The following PPM1H variants were observed in gnomAD, a reference collection of about 807,000 sequenced individuals.
PPM1H encodes the protein protein phosphatase, Mg2+/Mn2+ dependent 1H.
A neutral mutation model predicts 54.9 loss-of-function variants in PPM1H; 27 were observed. That is an observed-to-expected ratio of 0.49 (90% confidence interval 0.36 to 0.68). The LOEUF (loss-of-function observed/expected upper bound fraction) is 0.68, where lower values mean the gene tolerates loss of function less well. Ranked by LOEUF, PPM1H falls within the 30% of genes least tolerant of loss-of-function variation. PPM1H has a pLI of 0.00. For synonymous variants in PPM1H, 305 were observed against 270.8 expected (o/e 1.13, Z -1.24); for missense variants, 596 against 667.8 (o/e 0.89, Z 1.19).
Position 62,646,934 on chromosome 12 carries a change from T to C in PPM1H, c.*1555A>G, listed in dbSNP as rs569742971. ...AATATGAGAACTGGAATTAGCTCTCTAGCATGCTGGGGGGGTCACGTCAGT... is the reference window on the plus strand; with the variant it reads ...AATATGAGAACTGGAATTAGCTCTCCAGCATGCTGGGGGGGTCACGTCAGT... On this transcript the variant is annotated 3_prime_UTR_variant, in exon 10 of 10. Transcript: ENST00000228705. 3 of 152,344 alleles carry C rather than the reference T, an allele frequency of 2.0e-5. No individual in the cohort carries two copies. Among genetic ancestry groups the C allele is most frequent in the South Asian group, 4.1e-4 (2 of 4,826 alleles). The allele number at this position is 152,344 out of a possible 1,614,324, so 9.4% of individuals were successfully genotyped here.
intron 1 of PPM1H, among the ~76,000 whole-genome samples, chr12:62,878,626 TA>T (rs34587900): frequency 0.33 from 26,445 of 80,652 alleles, 5,221 homozygotes; most frequent in East Asian, 0.57. Context: ...TGATTACGCT[TA>T]AAAAAAAAAA....
chr12:62,876,171 G>A (rs139331868), intron 1 of PPM1H, among the ~76,000 whole-genome samples: 1 of 152,146 alleles, frequency 6.6e-6, no homozygotes, highest in Non-Finnish European at 1.5e-5. Flanking sequence ...TTAAAATAAG[G>A]ATCAATAAAA....
intron 6 of PPM1H, among the ~76,000 whole-genome samples, chr12:62,713,741 G>T (rs182303859): frequency 1.3e-5 from 2 of 152,284 alleles, no homozygotes; most frequent in East Asian, 3.9e-4. Context: ...GGCTGAGGCA[G>T]GAGGACTGCT....
intron 3 of PPM1H, among the ~76,000 whole-genome samples, chr12:62,798,021 C>T (rs1272155450): frequency 3.3e-5 from 5 of 152,178 alleles, no homozygotes; most frequent in Admixed American, 6.5e-5. Flanking sequence ...GAGCTTCTCA[C>T]TTAATAAGGC....
At chr12:62,820,343 G>C (rs1321536419) in intron 2 of PPM1H, among the ~76,000 whole-genome samples, 1 of 152,230 alleles carries the variant, frequency 6.6e-6, no homozygotes, top group Non-Finnish European at 1.5e-5. Context: ...TGAACAAAAG[G>C]CAGCAGAAAC....
chr12:62,702,639 G>C (rs991037363), intron 6 of PPM1H, among the ~76,000 whole-genome samples: 1 of 151,848 alleles, frequency 6.6e-6, no homozygotes, highest in African/African-American at 2.4e-5. Context: ...AGTCATTTAA[G>C]AGGAACGAGA....
intron 5 of PPM1H, among the ~76,000 whole-genome samples, chr12:62,732,573 C>T (rs557997487): frequency 4.7e-4 from 69 of 147,630 alleles, no homozygotes; most frequent in Non-Finnish European, 7.0e-4. Context: ...TTTTTGTTTT[C>T]GGTTTTTTTT....
chr12:62,736,966 G>T (rs2076352918), intron 5 of PPM1H, among the ~76,000 whole-genome samples: 1 of 152,112 alleles, frequency 6.6e-6, no homozygotes, highest in South Asian at 2.1e-4. Flanking sequence ...AATCTACATA[G>T]AGAACTTATT....
intron 5 of PPM1H, among the ~76,000 whole-genome samples, chr12:62,725,398 C>A (rs567535402): frequency 6.6e-6 from 1 of 152,122 alleles, no homozygotes; most frequent in African/African-American, 2.4e-5. Flanking sequence ...CAGAGGTGCC[C>A]GCCCCATATC....
At chr12:62,655,212 T>C (rs1592526036) in intron 9 of PPM1H, among the ~76,000 whole-genome samples, 1 of 152,134 alleles carries the variant, frequency 6.6e-6, no homozygotes, top group Admixed American at 6.5e-5. Context: ...ACTCAGCTCT[T>C]GGGAGAAGGC....
At chr12:62,836,226 G>C (rs891734376) in intron 1 of PPM1H, among the ~76,000 whole-genome samples, 2 of 152,212 alleles carry the variant, frequency 1.3e-5, no homozygotes, top group African/African-American at 2.4e-5. Context: ...TACAAAGAGG[G>C]AAAGTATTTT....
intron 6 of PPM1H, among the ~76,000 whole-genome samples, chr12:62,718,904 A>G (rs1332378635): frequency 6.6e-6 from 1 of 152,196 alleles, no homozygotes; most frequent in African/African-American, 2.4e-5. Flanking sequence ...AGCAGGGGTA[A>G]ATTCTTAGGC....
rs1268416138 is a variant in PPM1H, at chr12:62,912,734, T to C, written c.245+21758A>G. On this transcript the variant is annotated intron_variant, in intron 1 of 9. Transcript: ENST00000228705. ...AAAAAAGAATCCACCACAATGTAATTGGACAAGGGAACATATCCATACTCC... is the reference window on the plus strand; with the variant it reads ...AAAAAAGAATCCACCACAATGTAATCGGACAAGGGAACATATCCATACTCC... 3.9e-5 allele frequency among the ~76,000 whole-genome samples: 6 copies of C among 152,186 alleles called. No homozygotes were observed. The South Asian group carries it at 6.2e-4, about 16-fold the overall frequency.
At position 62,724,124 on chromosome 12, in the gene PPM1H, C is replaced by T. The variant is rs2076277328; in HGVS notation, c.955-3835G>A. The stretch of plus-strand genomic sequence containing the variant: ...AGTACCCCTACCCCTGAGTTTATTA[C>T]CATTAGATCTTTTGTCCTTTGATCA... On this transcript the variant is annotated intron_variant, in intron 5 of 9. Transcript: ENST00000228705. Among the ~76,000 whole-genome samples, 3 of 152,180 alleles carry T rather than the reference C, an allele frequency of 2.0e-5. 1 individual carries two copies. Among genetic ancestry groups the T allele is most frequent in the Admixed American group, 2.0e-4 (3 of 15,276 alleles).
At chr12:62,814,646 C>A (rs138532774) in intron 2 of PPM1H, among the ~76,000 whole-genome samples, 1 of 152,332 alleles carries the variant, frequency 6.6e-6, no homozygotes, top group East Asian at 1.9e-4. Flanking sequence ...CTTCCCTTTG[C>A]CACCCTAACT....
chr12:62,800,955 C>G (rs1027090596), intron 3 of PPM1H, among the ~76,000 whole-genome samples: 1 of 152,156 alleles, frequency 6.6e-6, no homozygotes, highest in African/African-American at 2.4e-5. Flanking sequence ...CCGATCAGAC[C>G]CATTCAGATG....
At chr12:62,793,508 T>A (rs1283273275) in intron 3 of PPM1H, among the ~76,000 whole-genome samples, 1 of 151,868 alleles carries the variant, frequency 6.6e-6, no homozygotes, top group African/African-American at 2.4e-5. Context: ...GCAGATCACC[T>A]GAGGTCGGGC....
At chr12:62,765,924 G>A (rs746144604) in intron 4 of PPM1H, among the ~76,000 whole-genome samples, 1 of 152,226 alleles carries the variant, frequency 6.6e-6, no homozygotes, top group African/African-American at 2.4e-5. Context: ...AGTGACAGGT[G>A]AAGGTAGAAA....
chr12:62,702,286 G>A (rs550081893), intron 6 of PPM1H, among the ~76,000 whole-genome samples: 12 of 152,108 alleles, frequency 7.9e-5, no homozygotes, highest in Non-Finnish European at 1.3e-4. Flanking sequence ...TTAGTACCAC[G>A]TCAGAATGGC....
Sources: allele counts gnomAD v4.1 joint callset (sites outside exome capture counted in the v4.1 genomes callset), GRCh38; gene constraint gnomAD v4.1.1; transcripts MANE v1.5; gene names NCBI Gene and HGNC (gene_info 2026-07-23, HGNC 2026-07-21).